Variants in GPC5 observed in about 807,000 individuals in gnomAD.
GPC5 encodes the protein glypican 5.
Under a neutral mutation model 53.9 loss-of-function variants are expected in GPC5, and 47 were observed. The ratio of observed to expected loss-of-function variants is 0.87; its 90% CI spans 0.69 to 1.11. The LOEUF (loss-of-function observed/expected upper bound fraction) is 1.11, where lower values mean the gene tolerates loss of function less well. Among genes scored for constraint, GPC5 ranks in the 50% most tolerant of loss-of-function variants. The pLI is 0.00. For missense variants in GPC5, 748 were observed against 713.1 expected (o/e 1.05, Z -0.56); for synonymous variants, 286 against 263.3 (o/e 1.09, Z -0.84).
intron 2 of GPC5, among the ~76,000 whole-genome samples, chr13:91,585,175 A>G (rs958308381): frequency 6.6e-6 from 1 of 152,220 alleles, no homozygotes; most frequent in Non-Finnish European, 1.5e-5. Context: ...AATGTTGACA[A>G]GATGATGAAT....
At chr13:91,667,606 C>CA (rs1257625631) in intron 2 of GPC5, among the ~76,000 whole-genome samples, 9 of 152,136 alleles carry the variant, frequency 5.9e-5, no homozygotes, top group Admixed American at 5.9e-4. Flanking sequence ...GTCTCTCCCC[C>CA]ATATCTCCCT....
At chr13:91,544,843 T>G (rs557959245) in intron 2 of GPC5, among the ~76,000 whole-genome samples, 5 of 152,288 alleles carry the variant, frequency 3.3e-5, no homozygotes, top group African/African-American at 1.2e-4. Context: ...TTCTGGTATC[T>G]CACAAGCTTG....
intron 6 of GPC5, among the ~76,000 whole-genome samples, chr13:92,045,201 G>A (rs1380767267): frequency 6.6e-6 from 1 of 152,106 alleles, no homozygotes; most frequent in African/African-American, 2.4e-5. Flanking sequence ...GTTCTGTTTG[G>A]TTTACGGTAC....
At chr13:92,453,021 C>G (rs868075158) in intron 7 of GPC5, among the ~76,000 whole-genome samples, 19 of 152,274 alleles carry the variant, frequency 1.2e-4, no homozygotes, top group Middle Eastern at 3.4e-3. Flanking sequence ...CGCACTACTA[C>G]GCAGTATCTC....
In GPC5 at chr13:92,375,746, T is replaced by C. The variant is rs547665382; in HGVS notation, c.1561+230757T>C. Among the ~76,000 whole-genome samples the C allele has an allele frequency of 2.3e-3, 355 of 152,342 alleles. 2 individuals are homozygous for C. Among genetic ancestry groups the C allele is most frequent in the Middle Eastern group, 6.8e-3 (2 of 294 alleles). On this transcript the variant is annotated intron_variant, in intron 7 of 7. Coordinates refer to ENST00000377067, the MANE Select transcript of GPC5 (RefSeq NM_004466.6). ...AAGCTGTTGTTCATAGGCAGAATTT[T>C]GTCTTCTTTCTGCTCTTAAAAAGCT...
chr13:92,046,383 C>G (rs1168936664), intron 6 of GPC5, among the ~76,000 whole-genome samples: 1 of 152,152 alleles, frequency 6.6e-6, no homozygotes, highest in Non-Finnish European at 1.5e-5. Context: ...AAAGTCCTTA[C>G]ACTGAATGTT....
chr13:92,160,484 G>A (rs2041979018), intron 7 of GPC5, among the ~76,000 whole-genome samples: 1 of 152,166 alleles, frequency 6.6e-6, no homozygotes, highest in African/African-American at 2.4e-5. Flanking sequence ...CCAAATTCCA[G>A]AGGAAGATAA....
chr13:91,800,153 G>A (rs978135118), intron 5 of GPC5, among the ~76,000 whole-genome samples: 4 of 151,920 alleles, frequency 2.6e-5, no homozygotes, highest in African/African-American at 7.2e-5. Flanking sequence ...CAGACTATGT[G>A]AGTAATCTGA....
intron 6 of GPC5, among the ~76,000 whole-genome samples, chr13:92,026,852 TG>T (rs2040805142): frequency 6.6e-6 from 1 of 152,168 alleles, no homozygotes; most frequent in African/African-American, 2.4e-5. Flanking sequence ...TCTACCAACA[TG>T]TTTCAAAACT....
chr13:91,782,952 G>T (rs1594559191), intron 5 of GPC5, among the ~76,000 whole-genome samples: 1 of 151,592 alleles, frequency 6.6e-6, no homozygotes, highest in South Asian at 2.1e-4. Flanking sequence ...AAAAATAAAA[G>T]TTTTTTTCCT....
intron 6 of GPC5, among the ~76,000 whole-genome samples, chr13:92,040,417 G>T (rs925058038): frequency 1.3e-5 from 2 of 152,226 alleles, no homozygotes; most frequent in Non-Finnish European, 2.9e-5. Flanking sequence ...GTAGGGAGTG[G>T]CTCAAGGCCT....
At chr13:92,242,829 G>T (rs1285870701) in intron 7 of GPC5, among the ~76,000 whole-genome samples, 1 of 152,082 alleles carries the variant, frequency 6.6e-6, no homozygotes, top group African/African-American at 2.4e-5. Flanking sequence ...TTTATATGAT[G>T]ACCTGTTACT....
intron 6 of GPC5, among the ~76,000 whole-genome samples, chr13:91,964,230 G>A (rs375085749): frequency 3.9e-5 from 6 of 152,184 alleles, no homozygotes; most frequent in Admixed American, 2.0e-4. Context: ...CAAAGAGTGA[G>A]CAGCAGCAAG....
In GPC5 at chr13:92,744,352, A is replaced by G. The variant is rs559913622; in HGVS notation, c.1562-121930A>G. 2.6e-5 allele frequency among the ~76,000 whole-genome samples: 4 copies of G among 152,212 alleles called. No individual in the cohort carries two copies. The East Asian group carries it at 7.7e-4, about 29-fold the overall frequency. On this transcript the variant is annotated intron_variant, in intron 7 of 7. Coordinates refer to ENST00000377067, the MANE Select transcript of GPC5 (RefSeq NM_004466.6). ...ATATGTGGCATGAAGGATGTTTATA[A>G]CCATTCAATAGAAGGTAATCACTGG... is the stretch of plus-strand genomic sequence containing the variant.
chr13:92,544,839 C>T (rs1882047529), intron 7 of GPC5, among the ~76,000 whole-genome samples: 1 of 151,968 alleles, frequency 6.6e-6, no homozygotes, highest in African/African-American at 2.4e-5. Flanking sequence ...TTAGGATCAT[C>T]TATTCCTTTT....
At chr13:91,410,044 A>T (rs140556741) in intron 1 of GPC5, among the ~76,000 whole-genome samples, 98 of 152,320 alleles carry the variant, frequency 6.4e-4, no homozygotes, top group African/African-American at 2.2e-3. Flanking sequence ...AATAACGATG[A>T]ATTTGTAGTT....
intron 2 of GPC5, among the ~76,000 whole-genome samples, chr13:91,682,553 A>T (rs2035531639): frequency 6.6e-6 from 1 of 152,210 alleles, no homozygotes; most frequent in Non-Finnish European, 1.5e-5. Flanking sequence ...ATTTGAACCA[A>T]ACCCTATCAG....
At chr13:92,163,287 C>T (rs2042003833) in intron 7 of GPC5, among the ~76,000 whole-genome samples, 1 of 151,686 alleles carries the variant, frequency 6.6e-6, no homozygotes, top group Non-Finnish European at 1.5e-5. Flanking sequence ...ATGGTGAAAC[C>T]CCATCTCTAG....
intron 5 of GPC5, among the ~76,000 whole-genome samples, chr13:91,894,890 G>A (rs139449560): frequency 8.3e-4 from 127 of 152,212 alleles, no homozygotes; most frequent in African/African-American, 1.9e-3. Flanking sequence ...TCTCAGAGAC[G>A]GAATGTTAAT....
Sources: allele counts gnomAD v4.1 joint callset (sites outside exome capture counted in the v4.1 genomes callset), GRCh38; gene constraint gnomAD v4.1.1; transcripts MANE v1.5; gene names NCBI Gene and HGNC (gene_info 2026-07-23, HGNC 2026-07-21).